Variants in TPH2 observed in about 807,000 individuals in gnomAD.
TPH2 encodes the protein tryptophan hydroxylase 2.
In TPH2, 27 loss-of-function variants were observed where a neutral mutation model predicts 59.1. The observed-to-expected ratio is 0.46, with a 90% CI of 0.34 to 0.63. The LOEUF is 0.63. TPH2 is among the 30% of genes least tolerant of loss of function. The probability of loss-of-function intolerance (pLI) is 0.01; values close to 1 mark genes in which losing one functional copy is unlikely to be tolerated. For missense variants in TPH2, 523 were observed against 588.3 expected (o/e 0.89, Z 1.15); for synonymous variants, 220 against 210.5 (o/e 1.05, Z -0.39).
intron 5 of TPH2, among the ~76,000 whole-genome samples, chr12:71,955,894 T>C (rs1010844223): frequency 1.8e-4 from 28 of 152,174 alleles, no homozygotes; most frequent in Admixed American, 1.4e-3. Context: ...TAAAAAATAA[T>C]CCTCAAATTT....
At chr12:72,000,007 G>A (rs1182210534) in intron 8 of TPH2, among the ~76,000 whole-genome samples, 1 of 152,220 alleles carries the variant, frequency 6.6e-6, no homozygotes, top group African/African-American at 2.4e-5. Context: ...GTTGAGAGGT[G>A]ACTTGCCTTT....
intron 5 of TPH2, among the ~76,000 whole-genome samples, chr12:71,966,486 A>G (rs936135406): frequency 1.3e-5 from 2 of 152,252 alleles, no homozygotes; most frequent in South Asian, 4.1e-4. Flanking sequence ...CAATCAAGAC[A>G]GAAACACCAA....
In TPH2 at chr12:71,963,618, G is replaced by A. The variant is rs553000408; in HGVS notation, c.609-8901G>A. 4.1e-5 allele frequency among the ~76,000 whole-genome samples: 2 copies of A among 48,688 alleles called. 1 individual carries two copies. Among genetic ancestry groups the A allele is most frequent in the African/African-American group, 1.2e-4 (2 of 17,156 alleles). 31.9% of individuals were successfully genotyped at this position (48,688 alleles called of 152,430 possible). A position where few individuals can be genotyped will look rare whatever the true frequency, so the allele number is the denominator to read the frequency against. On this transcript the variant is annotated intron_variant, in intron 5 of 10. Coordinates refer to ENST00000333850, the MANE Select transcript of TPH2 (RefSeq NM_173353.4). Reference sequence around the variant, plus strand: ...GAGGTCAGGAGTTCAAGACCAGCCTGGCCAATATGGTGAAACCCTGTCTCT... The same window carrying A: ...GAGGTCAGGAGTTCAAGACCAGCCTAGCCAATATGGTGAAACCCTGTCTCT...
intron 9 of TPH2, among the ~76,000 whole-genome samples, chr12:72,030,319 AC>A (rs1873686524): frequency 6.6e-6 from 1 of 152,132 alleles, no homozygotes; most frequent in South Asian, 2.1e-4. Context: ...TTTCATCCAG[AC>A]CTGCCAAATG....
At chr12:71,958,275 G>T (rs1871569308) in intron 5 of TPH2, among the ~76,000 whole-genome samples, 1 of 152,164 alleles carries the variant, frequency 6.6e-6, no homozygotes, top group Admixed American at 6.5e-5. Flanking sequence ...CACTTTTAGA[G>T]GTTCCAAGAA....
intron 5 of TPH2, among the ~76,000 whole-genome samples, chr12:71,959,961 T>C (rs1871632509): frequency 1.3e-5 from 2 of 152,180 alleles, no homozygotes; most frequent in Admixed American, 6.5e-5. Flanking sequence ...AGAAGGCAAA[T>C]ATGTTTTCTC....
chr12:71,988,421 T>C (rs1490510915), intron 7 of TPH2, among the ~76,000 whole-genome samples: 1 of 152,166 alleles, frequency 6.6e-6, no homozygotes, highest in Non-Finnish European at 1.5e-5. Flanking sequence ...GGCATCTGTT[T>C]CTGGGGGACC....
intron 6 of TPH2, among the ~76,000 whole-genome samples, chr12:71,974,789 G>T (rs1430479021): frequency 3.9e-5 from 6 of 152,060 alleles, no homozygotes; most frequent in Non-Finnish European, 8.8e-5. Flanking sequence ...CATCCAAATT[G>T]ATGTCCTCAT....
chr12:71,972,358 A>C (rs1040782055), intron 5 of TPH2, among the ~76,000 whole-genome samples, 161 bp from the exon 6 acceptor site: 6 of 152,236 alleles, frequency 3.9e-5, no homozygotes, highest in Non-Finnish European at 4.4e-5. Context: ...CAACATTAGA[A>C]GGTTAGCATT....
chr12:71,959,738 G>A lies in TPH2; in HGVS notation c.608+10083G>A, dbSNP rs535335662. ...ATCTTAATTGGAAGCATAACAAGTA[G>A]AAGGTAGAGGAAGAATGGAAGGGAA... On this transcript the variant is annotated intron_variant, in intron 5 of 10. Transcript: ENST00000333850. 2.0e-5 allele frequency among the ~76,000 whole-genome samples: 3 copies of A among 152,264 alleles called. No homozygotes were observed. In the East Asian group the frequency reaches 5.8e-4, roughly 29 times the overall value.
chr12:72,003,966 C>T (rs1193046306), intron 8 of TPH2, among the ~76,000 whole-genome samples: 2 of 152,146 alleles, frequency 1.3e-5, no homozygotes, highest in Non-Finnish European at 2.9e-5. Context: ...ATAGAACTAC[C>T]TTGGTAACTC....
chr12:71,976,384 ATCATT>A (rs1872118034), intron 6 of TPH2, among the ~76,000 whole-genome samples: 1 of 152,232 alleles, frequency 6.6e-6, no homozygotes. Flanking sequence ...GTGTCCTTAT[ATCATT>A]TCATTGACTC....
At chr12:71,965,703 G>C (rs1014104439) in intron 5 of TPH2, among the ~76,000 whole-genome samples, 2 of 152,158 alleles carry the variant, frequency 1.3e-5, no homozygotes, top group Non-Finnish European at 2.9e-5. Flanking sequence ...TATAGATGCT[G>C]GATATTAGAC....
intron 8 of TPH2, among the ~76,000 whole-genome samples, chr12:71,997,092 G>A (rs559822096): frequency 2.0e-5 from 3 of 152,268 alleles, no homozygotes; most frequent in South Asian, 4.1e-4. Context: ...GGGCTCTGGG[G>A]TATGAGCCGT....
intron 5 of TPH2, among the ~76,000 whole-genome samples, chr12:71,951,745 G>A (rs1057031792): frequency 6.6e-6 from 1 of 151,900 alleles, no homozygotes; most frequent in African/African-American, 2.4e-5. Flanking sequence ...CATGATTTCG[G>A]CCGGGTACAG....
At chr12:71,961,672 C>G in intron 5 of TPH2, 1 of 1,351,524 alleles carries the variant, frequency 7.4e-7, no homozygotes, top group Non-Finnish European at 9.8e-7. Flanking sequence ...GATGTTAGAT[C>G]CATTGTTGTT....
At chr12:72,004,000 G>A (rs1485419368) in intron 8 of TPH2, among the ~76,000 whole-genome samples, 3 of 152,142 alleles carry the variant, frequency 2.0e-5, no homozygotes, top group African/African-American at 4.8e-5. Flanking sequence ...CATGTGCTGA[G>A]TTGAGTGCTG....
At chr12:71,993,429 A>G (rs1307971075) in intron 7 of TPH2, among the ~76,000 whole-genome samples, 1 of 152,204 alleles carries the variant, frequency 6.6e-6, no homozygotes, top group Middle Eastern at 3.2e-3. Context: ...ATCTCAATCC[A>G]TTCCCAGACA....
At position 71,971,693 on chromosome 12, in the gene TPH2, C is replaced by T. The variant is rs140756438; in HGVS notation, c.609-826C>T. On this transcript the variant is annotated intron_variant, in intron 5 of 10. Transcript: ENST00000333850. ...GGAAGCTCTCTCTGACTACTTCAGT[C>T]CAGCACGGTGTCTCAATATTCTAAA... Among the ~76,000 whole-genome samples, 178 of 152,300 alleles carry T rather than the reference C, an allele frequency of 1.2e-3. 1 individual carries two copies. Among genetic ancestry groups the T allele is most frequent in the African/African-American group, 4.0e-3 (168 of 41,558 alleles).
Sources: gnomAD v4.1 joint callset for allele counts (sites outside exome capture counted in the v4.1 genomes callset) on GRCh38, gnomAD v4.1.1 for gene constraint, MANE v1.5 for transcripts, NCBI Gene and HGNC (gene_info 2026-07-23, HGNC 2026-07-21) for gene names.